Variants in PDE1A observed in about 807,000 individuals in gnomAD.
The protein encoded by PDE1A is dual specificity calcium/calmodulin-dependent 3',5'-cyclic nucleotide phosphodiesterase 1A.
Under a neutral mutation model 61.7 loss-of-function variants are expected in PDE1A, and 35 were observed. The ratio of observed to expected loss-of-function variants is 0.57; its 90% CI spans 0.43 to 0.75. PDE1A has a LOEUF of 0.75. Among genes scored for constraint, PDE1A ranks in the 30% least tolerant of loss-of-function variants. The pLI is 0.00. For missense variants in PDE1A, 597 were observed against 630.6 expected, an observed-to-expected ratio of 0.95 and a Z score of 0.57; for synonymous variants, 232 against 213.2, an observed-to-expected ratio of 1.09 and a Z score of -0.77.
intron 13 of PDE1A, among the ~76,000 whole-genome samples, chr2:182,149,373 C>G (rs935949414): frequency 6.6e-6 from 1 of 152,072 alleles, no homozygotes; most frequent in Non-Finnish European, 1.5e-5. Flanking sequence ...TAAAAAATAA[C>G]AAATCCCCAA....
At chr2:182,690,754 A>C in the PDE1A span, among the ~76,000 whole-genome samples, 1 of 152,246 alleles carries the variant, frequency 6.6e-6, no homozygotes, top group Non-Finnish European at 1.5e-5. Flanking sequence ...CTGTCTGCAG[A>C]TGACATGATT....
intron 13 of PDE1A, among the ~76,000 whole-genome samples, chr2:182,158,592 T>C (rs2125291881): frequency 6.6e-6 from 1 of 152,310 alleles, no homozygotes; most frequent in Non-Finnish European, 1.5e-5. Flanking sequence ...GTTAATATCT[T>C]TGAGTTGATA....
intron 13 of PDE1A, among the ~76,000 whole-genome samples, chr2:182,156,351 A>C (rs1455887427): frequency 6.6e-6 from 1 of 150,942 alleles, no homozygotes; most frequent in Non-Finnish European, 1.5e-5. Flanking sequence ...TCCTTTCAAC[A>C]CTTTTTTTTT....
chr2:182,634,032 C>T, the PDE1A span, among the ~76,000 whole-genome samples: 14 of 151,660 alleles, frequency 9.2e-5, no homozygotes, highest in African/African-American at 1.7e-4. Context: ...GAGGTTGCAG[C>T]GAACCAAAAT....
chr2:182,489,340 T>C (rs1688232005), intron 2 of PDE1A, among the ~76,000 whole-genome samples: 2 of 152,160 alleles, frequency 1.3e-5, no homozygotes, highest in African/African-American at 4.8e-5. Flanking sequence ...AATAAGGATG[T>C]TTGATTTTAC....
At chr2:182,637,282 T>C in the PDE1A span, among the ~76,000 whole-genome samples, 1 of 152,332 alleles carries the variant, frequency 6.6e-6, no homozygotes, top group East Asian at 1.9e-4. Context: ...TACTACTCCA[T>C]TGATTAGCTA....
chr2:182,166,748 C>G (rs780211689), downstream of PDE1A, among the ~76,000 whole-genome samples: 12 of 152,080 alleles, frequency 7.9e-5, no homozygotes, highest in Non-Finnish European at 1.5e-4. Flanking sequence ...ATTTTATAGC[C>G]AAGTTTTCCA....
chr2:182,272,570 G>A (rs147957707), intron 1 of PDE1A, among the ~76,000 whole-genome samples: 84 of 152,192 alleles, frequency 5.5e-4, no homozygotes, highest in Non-Finnish European at 4.1e-4. Context: ...ACCAGTACAA[G>A]AACATAACAG....
At chr2:182,385,010 G>A in intron 1 of PDE1A, among the ~76,000 whole-genome samples, 1 of 152,266 alleles carries the variant, frequency 6.6e-6, no homozygotes, top group Non-Finnish European at 1.5e-5. Flanking sequence ...GGAGAGGGCA[G>A]AATGATAGAT....
At chr2:182,644,765 G>C in the PDE1A span, among the ~76,000 whole-genome samples, 2 of 151,944 alleles carry the variant, frequency 1.3e-5, no homozygotes, top group African/African-American at 4.8e-5. Context: ...ACTAGCACAT[G>C]GTTCCTTCTT....
chr2:182,449,057 C>CACACAT (rs1685331012), intron 2 of PDE1A, among the ~76,000 whole-genome samples: 2 of 105,494 alleles, frequency 1.9e-5, no homozygotes, highest in Admixed American at 1.9e-4. Flanking sequence ...CATACACACA[C>CACACAT]ACACACACAC....
chr2:182,509,569 G>A (rs1689654300), intron 2 of PDE1A, among the ~76,000 whole-genome samples: 1 of 152,176 alleles, frequency 6.6e-6, no homozygotes, highest in African/African-American at 2.4e-5. Context: ...TACTAAATGT[G>A]AAATAGTGGC....
At chr2:182,536,932 C>T in the PDE1A span, among the ~76,000 whole-genome samples, 12 of 152,262 alleles carry the variant, frequency 7.9e-5, no homozygotes, top group South Asian at 2.1e-4. Context: ...AGGAGACCCA[C>T]GTGTTCTAGT....
At chr2:182,311,273 G>C (rs546728206) in intron 1 of PDE1A, among the ~76,000 whole-genome samples, 45 of 152,310 alleles carry the variant, frequency 3.0e-4, no homozygotes, top group African/African-American at 1.1e-3. Flanking sequence ...GACCACTTCA[G>C]CATGTCCCAG....
intron 1 of PDE1A, among the ~76,000 whole-genome samples, chr2:182,341,833 C>T (rs1336753722): frequency 6.6e-6 from 1 of 152,156 alleles, no homozygotes; most frequent in Non-Finnish European, 1.5e-5. Context: ...TCATGGCTCA[C>T]TGCAACCTCA....
At position 182,471,626 on chromosome 2, in the gene PDE1A, C is replaced by T. The variant is rs140805134; in HGVS notation, c.101+50650G>A. ...CTGTACTTTGGAAAGAGAATTTTTA[C>T]GTTACCATTTCCTTCTTTTTTAAGA... On this transcript the variant is annotated intron_variant, in intron 2 of 14. Coordinates refer to the PDE1A transcript ENST00000410103. Among the ~76,000 whole-genome samples the T allele has an allele frequency of 4.3e-4, 65 of 151,850 alleles. No homozygotes were observed. In the East Asian group the frequency reaches 9.1e-3, roughly 21 times the overall value.
At chr2:182,452,095 G>A (rs765214687) in intron 2 of PDE1A, among the ~76,000 whole-genome samples, 3 of 151,838 alleles carry the variant, frequency 2.0e-5, no homozygotes, top group Non-Finnish European at 2.9e-5. Context: ...TTCATCAAGA[G>A]GTCTCGAATA....
chr2:182,648,811 C>G, the PDE1A span, among the ~76,000 whole-genome samples: 623 of 152,078 alleles, frequency 4.1e-3, 5 homozygotes, highest in Admixed American at 8.2e-3. Flanking sequence ...GACATGGGTG[C>G]AAATGCCAAC....
chr2:182,348,316 G>A (rs1281805996), intron 1 of PDE1A, among the ~76,000 whole-genome samples: 3 of 152,134 alleles, frequency 2.0e-5, no homozygotes, highest in Non-Finnish European at 4.4e-5. Context: ...GACTCTTTCA[G>A]TAAGAGGAAC....
Sources: allele counts gnomAD v4.1 joint callset (sites outside exome capture counted in the v4.1 genomes callset), GRCh38; gene constraint gnomAD v4.1.1; transcripts MANE v1.5; gene names NCBI Gene and HGNC (gene_info 2026-07-23, HGNC 2026-07-21).